Variants in PCDHGA6 observed in about 807,000 individuals in gnomAD.
The protein encoded by PCDHGA6 is protocadherin gamma-A6.
A neutral mutation model predicts 60.6 loss-of-function variants in PCDHGA6; 41 were observed. The ratio of observed to expected loss-of-function variants is 0.68; its 90% CI spans 0.53 to 0.88. The LOEUF is 0.88. Ranked by LOEUF, PCDHGA6 falls within the 40% of genes least tolerant of loss-of-function variation. The probability of loss-of-function intolerance (pLI) is 0.00; values close to 1 mark genes in which losing one functional copy is unlikely to be tolerated. For missense variants in PCDHGA6, 1,312 were observed against 1,203.0 expected, an observed-to-expected ratio of 1.09 and a Z score of -1.34; for synonymous variants, 594 against 524.4, an observed-to-expected ratio of 1.13 and a Z score of -1.81.
chr5:141,392,745 G>A, intron 1 of PCDHGA6: 1 of 1,441,296 alleles, frequency 6.9e-7, no homozygotes, highest in African/African-American at 1.4e-5. Flanking sequence ...CCATAGCTGC[G>A]GCAAGAAACT....
At chr5:141,458,854 T>G (rs2098955098) in intron 1 of PCDHGA6, among the ~76,000 whole-genome samples, 1 of 152,182 alleles carries the variant, frequency 6.6e-6, no homozygotes, top group South Asian at 2.1e-4. Flanking sequence ...CACCTCAGCC[T>G]TCCAAGTAGC....
chr5:141,450,183 A>G (rs1461369835), intron 1 of PCDHGA6, among the ~76,000 whole-genome samples: 1 of 151,558 alleles, frequency 6.6e-6, no homozygotes, highest in Non-Finnish European at 1.5e-5. Context: ...ACACCCAGCT[A>G]ATTTTTGTAT....
intron 1 of PCDHGA6, chr5:141,399,680 A>G (rs1182095574): frequency 1.2e-6 from 2 of 1,613,514 alleles, no homozygotes; most frequent in East Asian, 2.2e-5. Context: ...GCCTTTGACT[A>G]CGAGCAGCTG....
rs374095590 is a variant in PCDHGA6, at chr5:141,431,523, T to C, written c.2424+55016T>C. On this transcript the variant is annotated intron_variant, in intron 1 of 3. Coordinates refer to ENST00000517434, the MANE Select transcript of PCDHGA6 (RefSeq NM_018919.3). This position sits in a 1 kb window ranked among gnomAD's most constrained non-coding sequence, Gnocchi z 4.8. ...TACCGCGCGAGCGTTCCGGAGAATC[T>C]GGCCTTGGGCACGCAGCTGCTTGTA... 13 of 1,613,952 alleles carry C rather than the reference T, an allele frequency of 8.1e-6. No homozygotes were observed. The African/African-American group carries it at 1.5e-4, about 18-fold the overall frequency.
chr5:141,379,137 C>A (rs1322597414), intron 1 of PCDHGA6: 2 of 152,216 alleles, frequency 1.3e-5, no homozygotes, highest in African/African-American at 2.4e-5. Context: ...AAATGAGAAC[C>A]TCCTTTGTAA....
intron 1 of PCDHGA6, chr5:141,403,259 C>T: frequency 6.2e-7 from 1 of 1,613,866 alleles, no homozygotes; most frequent in Admixed American, 1.7e-5. Context: ...CCCGCGGTGT[C>T]TGGTGAACTT....
At chr5:141,443,383 G>A (rs1302172660) in intron 1 of PCDHGA6, among the ~76,000 whole-genome samples, 1 of 152,130 alleles carries the variant, frequency 6.6e-6, no homozygotes, top group Non-Finnish European at 1.5e-5. Flanking sequence ...TACTTGGGAG[G>A]CTGAGGTGTG....
chr5:141,511,082 C>T lies in PCDHGA6; in HGVS notation c.2708C>T (p.Thr903Ile). Residue 903 changes from threonine to isoleucine, a missense_variant, in exon 4 of 4, where the codon ACA (threonine) becomes ATA (isoleucine). By Grantham distance (89) the Thr-to-Ile change is moderately conservative. Transcript: ENST00000517434. ...QNVYIPGSNA[T>I]LTNAAGKRDG... ...GTCTACATCCCAGGCAGCAATGCCA[C>T]ACTGACCAACGCAGCTGGCAAGCGG... 1 of 1,614,224 alleles carries T rather than the reference C, an allele frequency of 6.2e-7. No individual in the cohort carries two copies. Among genetic ancestry groups the T allele is most frequent in the Non-Finnish European group, 8.5e-7 (1 of 1,180,028 alleles).
At chr5:141,505,308 G>A in intron 2 of PCDHGA6, 85 bp from the exon 3 acceptor site, 1 of 1,598,660 alleles carries the variant, frequency 6.3e-7, no homozygotes, top group Non-Finnish European at 8.5e-7. Flanking sequence ...TAGGGTACTA[G>A]GTTTGGGAGC....
intron 1 of PCDHGA6, chr5:141,405,594 C>G: frequency 1.7e-6 from 1 of 578,834 alleles, no homozygotes; most frequent in Non-Finnish European, 3.0e-6. Context: ...ACAGGCCTCC[C>G]AAGTAGAATA....
In PCDHGA6 at chr5:141,489,984, T is replaced by C; in HGVS notation, c.2425-4823T>C. The C allele has an allele frequency of 1.2e-6, 2 of 1,614,212 alleles. No homozygotes were observed. Among genetic ancestry groups the C allele is most frequent in the South Asian group, 1.1e-5 (1 of 91,090 alleles). ...CAACCTTCCAATCCTCAGTTCTACG[T>C]GTGGGAATCCCAGAGAATGCACCCA... On this transcript the variant is annotated intron_variant, in intron 1 of 3. Transcript: ENST00000517434. The surrounding 1 kb of genome is among the most constrained non-coding windows in gnomAD (Gnocchi z 4.5).
At chr5:141,421,986 AG>A in intron 1 of PCDHGA6, 2 of 1,609,004 alleles carry the variant, frequency 1.2e-6, no homozygotes, top group Non-Finnish European at 1.7e-6. Flanking sequence ...TGAGTGTTCC[AG>A]AAAACATCAG....
In PCDHGA6 at chr5:141,395,514, C is replaced by T. The variant is rs138744897; in HGVS notation, c.2424+19007C>T. 1.1e-3 allele frequency: 455 copies of T among 421,180 alleles called. 7 individuals carry two copies. The highest frequency in any genetic ancestry group is 8.9e-3 in the African/African-American group (432 of 48,430). The allele number at this position is 421,180 out of a possible 1,614,324, so 26.1% of individuals were successfully genotyped here. ...ACTCATTCACTTAAGAAGTAGCTAC[C>T]CGTCCATACTGGTAATTTTGCTATT... On this transcript the variant is annotated intron_variant, in intron 1 of 3. Transcript: ENST00000517434.
chr5:141,490,948 G>T lies in PCDHGA6; in HGVS notation c.2425-3859G>T. 1 of 1,613,756 alleles carries T rather than the reference G, an allele frequency of 6.2e-7. No homozygotes were observed. The highest frequency in any genetic ancestry group is 8.5e-7 in the Non-Finnish European group (1 of 1,179,810). On this transcript the variant is annotated intron_variant, in intron 1 of 3. Coordinates refer to ENST00000517434, the MANE Select transcript of PCDHGA6 (RefSeq NM_018919.3). The surrounding 1 kb of genome is among the most constrained non-coding windows in gnomAD (Gnocchi z 5.4). The stretch of plus-strand genomic sequence containing the variant: ...CCCAGCTGTGCTGCACCCACGGCCA[G>T]ACTGGGAACACTCAGCCCCCCAGCG...
intron 1 of PCDHGA6, among the ~76,000 whole-genome samples, chr5:141,488,870 G>T (rs2099680071): frequency 6.6e-6 from 1 of 152,224 alleles, no homozygotes; most frequent in African/African-American, 2.4e-5. Context: ...TGAGTGGGGA[G>T]GTAGGAAGCT....
Position 141,485,096 on chromosome 5 carries a change from CCAG to C in PCDHGA6, c.2425-9709_2425-9707del. The C allele has an allele frequency of 8.9e-7, 1 of 1,125,684 alleles. No homozygotes were observed. The highest frequency in any genetic ancestry group is 1.3e-6 in the Non-Finnish European group (1 of 759,466). 69.7% of individuals were successfully genotyped at this position (1,125,684 alleles called of 1,614,324 possible). A position where few individuals can be genotyped will look rare whatever the true frequency, so the allele number is the denominator to read the frequency against. ...CGCGGGGAAAGGGAGATAGGTGTCTCCAGCTGCTGTGGCTGTTTGGGGCGGGTC... is the reference window on the plus strand; with the variant it reads ...CGCGGGGAAAGGGAGATAGGTGTCTCCTGCTGTGGCTGTTTGGGGCGGGTC... On this transcript the variant is annotated intron_variant, in intron 1 of 3. Transcript: ENST00000517434. The surrounding 1 kb of genome is among the most constrained non-coding windows in gnomAD (Gnocchi z 5.7).
At chr5:141,499,438 G>A (rs2154592492) in intron 2 of PCDHGA6, among the ~76,000 whole-genome samples, 1 of 152,158 alleles carries the variant, frequency 6.6e-6, no homozygotes, top group Admixed American at 6.5e-5. Context: ...AAAATTAAAA[G>A]GAAAACCACC....
intron 1 of PCDHGA6, chr5:141,392,964 G>C (rs772870041): frequency 1.4e-5 from 23 of 1,613,902 alleles, no homozygotes; most frequent in Non-Finnish European, 1.9e-5. Flanking sequence ...TATCTCCAAG[G>C]ACCTGGGGCT....
chr5:141,468,648 C>G (rs60206946), intron 1 of PCDHGA6: 27,626 of 151,800 alleles, frequency 0.18, 2,687 homozygotes, highest in Admixed American at 0.28. Flanking sequence ...GGGCGGATCA[C>G]AAGGTCAGGA....
Sources: gnomAD v4.1 joint callset for allele counts (sites outside exome capture counted in the v4.1 genomes callset) on GRCh38, gnomAD v4.1.1 for gene constraint, Gnocchi (gnomAD v3.1) non-coding constraint, MANE v1.5 for transcripts, NCBI Gene and HGNC (gene_info 2026-07-23, HGNC 2026-07-21) for gene names.